Variants in LIMD1 observed in about 807,000 individuals in gnomAD.
The protein encoded by LIMD1 is LIM domain containing 1, also known as LIM domain-containing protein 1.
Under a neutral mutation model 58.4 loss-of-function variants are expected in LIMD1, and 23 were observed. The ratio of observed to expected loss-of-function variants is 0.39; its 90% CI spans 0.28 to 0.56. The LOEUF is 0.56. Among genes scored for constraint, LIMD1 ranks in the 20% least tolerant of loss-of-function variants. The pLI, the probability that LIMD1 is intolerant of heterozygous loss-of-function variation, is 0.57. For synonymous variants in LIMD1, 334 were observed against 345.5 expected (o/e 0.97, Z 0.37); for missense variants, 838 against 855.5 (o/e 0.98, Z 0.25).
At chr3:45,660,668 A>G (rs1697423131) in intron 2 of LIMD1, among the ~76,000 whole-genome samples, 1 of 152,060 alleles carries the variant, frequency 6.6e-6, no homozygotes, top group Non-Finnish European at 1.5e-5. Flanking sequence ...CAACAGCCTC[A>G]GCCTCCCAGA....
chr3:45,664,668 G>A (rs189874937), intron 2 of LIMD1, among the ~76,000 whole-genome samples: 11 of 152,356 alleles, frequency 7.2e-5, no homozygotes, highest in African/African-American at 2.6e-4. Flanking sequence ...TTCTTTGACA[G>A]TCTTGTCGCT....
Position 45,620,988 on chromosome 3 carries a change from C to T in LIMD1, c.1409-15162C>T, listed in dbSNP as rs533871743. On this transcript the variant is annotated intron_variant, in intron 1 of 7. Transcript: ENST00000273317. Reference sequence around the variant, plus strand: ...GGAGGGTACACCATCACTCCTGGGACATTCCTGCCAAAAATGCATATCCTC... The same window carrying T: ...GGAGGGTACACCATCACTCCTGGGATATTCCTGCCAAAAATGCATATCCTC... Among the ~76,000 whole-genome samples the T allele has an allele frequency of 1.1e-4, 17 of 152,280 alleles. No homozygotes were observed. The South Asian group carries it at 2.5e-3, about 22-fold the overall frequency.
intron 2 of LIMD1, among the ~76,000 whole-genome samples, chr3:45,648,550 G>A (rs1559521987): frequency 6.6e-6 from 1 of 152,136 alleles, no homozygotes; most frequent in Non-Finnish European, 1.5e-5. Context: ...AACATTCCTA[G>A]GCAGGTGTTT....
At chr3:45,616,909 A>G (rs1022000022) in intron 1 of LIMD1, among the ~76,000 whole-genome samples, 4 of 150,586 alleles carry the variant, frequency 2.7e-5, no homozygotes, top group Admixed American at 6.6e-5. Flanking sequence ...TAATTTTTGT[A>G]TTTTTAGTAG....
Position 45,681,454 on chromosome 3 carries a change from G to A in LIMD1, c.*4395G>A, listed in dbSNP as rs1697741070. Reference sequence around the variant, plus strand: ...CATGGGTTCATGGATCCTGGCAGAAGTTATGAGACTCATAGGTCAGAGACA... The same window carrying A: ...CATGGGTTCATGGATCCTGGCAGAAATTATGAGACTCATAGGTCAGAGACA... On this transcript the variant is annotated 3_prime_UTR_variant, in exon 8 of 8. Coordinates refer to ENST00000273317, the MANE Select transcript of LIMD1 (RefSeq NM_014240.3). 6.6e-6 allele frequency: 1 copy of A among 152,244 alleles called. No individual in the cohort carries two copies. Among genetic ancestry groups the A allele is most frequent in the African/African-American group, 2.4e-5 (1 of 41,464 alleles). 9.4% of individuals were successfully genotyped at this position (152,244 alleles called of 1,614,324 possible). A position where few individuals can be genotyped will look rare whatever the true frequency, so the allele number is the denominator to read the frequency against.
At chr3:45,607,230 T>C (rs1701476571) in intron 1 of LIMD1, among the ~76,000 whole-genome samples, 3 of 152,148 alleles carry the variant, frequency 2.0e-5, no homozygotes, top group African/African-American at 7.2e-5. Context: ...CGAATATTTA[T>C]ATCCACTCCA....
intron 1 of LIMD1, among the ~76,000 whole-genome samples, chr3:45,599,063 C>T (rs963491879): frequency 1.3e-4 from 20 of 152,168 alleles, no homozygotes; most frequent in Non-Finnish European, 2.8e-4. Context: ...AGTTCAGCCT[C>T]AGGGCCCATG....
intron 4 of LIMD1, among the ~76,000 whole-genome samples, chr3:45,670,030 A>G (rs553016561): frequency 3.3e-5 from 5 of 152,308 alleles, no homozygotes; most frequent in East Asian, 3.9e-4. Context: ...TCTTAGCCCT[A>G]TTAGAGCCAT....
intron 1 of LIMD1, among the ~76,000 whole-genome samples, chr3:45,633,766 A>G (rs539567855): frequency 6.6e-6 from 1 of 152,304 alleles, no homozygotes; most frequent in South Asian, 2.1e-4. Context: ...TGGTGTTGGC[A>G]GAGGGGCTTT....
At chr3:45,601,579 G>T (rs999996233) in intron 1 of LIMD1, among the ~76,000 whole-genome samples, 1 of 152,214 alleles carries the variant, frequency 6.6e-6, no homozygotes, top group African/African-American at 2.4e-5. Context: ...AGTAGCTACC[G>T]TGTGTCAAGT....
At chr3:45,627,707 A>C (rs1399329003) in intron 1 of LIMD1, among the ~76,000 whole-genome samples, 1 of 36,602 alleles carries the variant, frequency 2.7e-5, no homozygotes, top group African/African-American at 1.7e-4. Context: ...TAAAACAACC[A>C]AAAAAAAAAA....
intron 1 of LIMD1, among the ~76,000 whole-genome samples, chr3:45,607,544 A>G (rs1029387536): frequency 6.6e-6 from 1 of 152,108 alleles, no homozygotes; most frequent in Admixed American, 6.5e-5. Context: ...CATGTTTTGT[A>G]GCACACAAAA....
intron 1 of LIMD1, chr3:45,612,898 CAG>C (rs1701539313): frequency 6.6e-6 from 1 of 152,210 alleles, no homozygotes; most frequent in South Asian, 2.1e-4. Context: ...ACAGATATAA[CAG>C]AGTGCTGAAA....
At position 45,668,362 on chromosome 3, in the gene LIMD1, T is replaced by C; in HGVS notation, c.1641+6T>C. On this transcript the variant is annotated splice_donor_region_variant and intron_variant, in intron 4 of 7. Coordinates refer to ENST00000273317, the MANE Select transcript of LIMD1 (RefSeq NM_014240.3). ...GACATCTGATCATGGACATGGTGAGTAGGTCAGCCAAAGAAGAGAACAGCA... is the reference window on the plus strand; with the variant it reads ...GACATCTGATCATGGACATGGTGAGCAGGTCAGCCAAAGAAGAGAACAGCA... 6.2e-7 allele frequency: 1 copy of C among 1,610,234 alleles called. No homozygotes were observed. The highest frequency in any genetic ancestry group is 1.3e-5 in the African/African-American group (1 of 74,892).
intron 4 of LIMD1, among the ~76,000 whole-genome samples, chr3:45,668,752 C>CAAA (rs36111259): frequency 7.0e-6 from 1 of 142,230 alleles, no homozygotes; most frequent in African/African-American, 2.6e-5. Flanking sequence ...GACTCCACCT[C>CAAA]AAAAAAAAAA....
rs956658900 is a variant in LIMD1, at chr3:45,595,709, C to T, written c.830C>T (p.Ser277Phe). The change falls in exon 1 of 8, where the codon TCC becomes TTC. Residue 277 changes from serine to phenylalanine, a missense_variant. Physicochemically the swap from Ser to Phe is radical, Grantham distance 155. Transcript: ENST00000273317. ...SSQRVSPGLP[S>F]PNLENGAPAV... The stretch of plus-strand genomic sequence containing the variant: ...CAGCGGGTGAGCCCTGGCCTGCCTT[C>T]CCCAAACTTGGAGAACGGAGCACCA... 9 of 1,614,174 alleles carry T rather than the reference C, an allele frequency of 5.6e-6. No homozygotes were observed. Among genetic ancestry groups the T allele is most frequent in the Non-Finnish European group, 5.9e-6 (7 of 1,180,048 alleles).
At chr3:45,661,627 G>C (rs928640398) in intron 2 of LIMD1, among the ~76,000 whole-genome samples, 2 of 152,230 alleles carry the variant, frequency 1.3e-5, no homozygotes, top group Admixed American at 6.5e-5. Context: ...TCTCTCCTAA[G>C]AGCTTGTTTT....
chr3:45,674,446 T>G, intron 7 of LIMD1, 35 bp downstream of exon 7: 3 of 1,504,804 alleles, frequency 2.0e-6, no homozygotes, highest in Non-Finnish European at 1.8e-6. Flanking sequence ...CAAAGCCCAT[T>G]GTAGACATCC....
Position 45,595,365 on chromosome 3 carries a change from CCA to C in LIMD1, c.488_489del (p.His163ProfsTer6). ...SLATSEMSAF[H>X]QPGPCEDPSC... ...TGGCGACTTCTGAGATGTCTGCTTT[CCA>C]CCAGCCAGGCCCCTGTGAGGATCCT... On this transcript the variant is annotated frameshift_variant, in exon 1 of 8. Coordinates refer to ENST00000273317, the MANE Select transcript of LIMD1 (RefSeq NM_014240.3). LOFTEE classifies it high-confidence loss of function. 6.2e-7 allele frequency: 1 copy of C among 1,613,760 alleles called. No homozygotes were observed. The highest frequency in any genetic ancestry group is 8.5e-7 in the Non-Finnish European group (1 of 1,180,048).
Sources: gnomAD v4.1 joint callset for allele counts (sites outside exome capture counted in the v4.1 genomes callset) on GRCh38, gnomAD v4.1.1 for gene constraint, MANE v1.5 for transcripts, NCBI Gene and HGNC (gene_info 2026-07-23, HGNC 2026-07-21) for gene names.